The following PLCG2 variants were observed in gnomAD, a reference collection of about 807,000 sequenced individuals.
The protein encoded by PLCG2 is phospholipase C gamma 2, also known as 1-phosphatidylinositol 4,5-bisphosphate phosphodiesterase gamma-2.
In PLCG2, 69 loss-of-function variants were observed where a neutral mutation model predicts 175.6. The ratio of observed to expected loss-of-function variants is 0.39; its 90% CI spans 0.32 to 0.48. The LOEUF (loss-of-function observed/expected upper bound fraction) is 0.48. PLCG2 is among the 20% of genes least tolerant of loss of function. The pLI, the probability that PLCG2 is intolerant of heterozygous loss-of-function variation, is 0.91. For missense variants in PLCG2, 1,798 were observed against 1,650.9 expected (o/e 1.09, Z -1.54); for synonymous variants, 827 against 624.0 (o/e 1.33, Z -4.85).
intron 2 of PLCG2, among the ~76,000 whole-genome samples, chr16:81,849,796 A>C (rs1391322505): frequency 6.9e-6 from 1 of 145,248 alleles, no homozygotes; most frequent in African/African-American, 2.5e-5. Flanking sequence ...AAAAAAAAAA[A>C]ACCAAAAAAA....
intron 2 of PLCG2, among the ~76,000 whole-genome samples, chr16:81,834,100 C>A (rs1409542100): frequency 6.6e-6 from 1 of 152,194 alleles, no homozygotes; most frequent in African/African-American, 2.4e-5. Flanking sequence ...ACAGACTACC[C>A]TGGTGTCTTT....
chr16:81,934,656 C>T (rs1206162799), intron 26 of PLCG2, 125 bp downstream of exon 26: 1 of 683,186 alleles, frequency 1.5e-6, no homozygotes, highest in Non-Finnish European at 2.6e-6. Flanking sequence ...AGTAGATGGC[C>T]CCACCTTGGG....
intron 1 of PLCG2, among the ~76,000 whole-genome samples, chr16:81,743,921 C>T (rs949362570): frequency 1.3e-4 from 20 of 150,774 alleles, no homozygotes; most frequent in Admixed American, 3.3e-4. Flanking sequence ...TGCAGTGGTA[C>T]GATCTTGGCT....
At chr16:81,858,213 C>T (rs375755451) in intron 3 of PLCG2, 50 bp from the exon 4 acceptor site, 29 of 1,282,184 alleles carry the variant, frequency 2.3e-5, no homozygotes, top group East Asian at 6.9e-5. Flanking sequence ...TGTAAGCAGA[C>T]GTCTTCCCAG....
intron 2 of PLCG2, among the ~76,000 whole-genome samples, chr16:81,823,377 A>C (rs902718886): frequency 6.6e-6 from 1 of 152,194 alleles, no homozygotes. Flanking sequence ...CTGTCTGGCC[A>C]GTCCCTGAAA....
chr16:81,743,865 C>G (rs907453448), intron 1 of PLCG2, among the ~76,000 whole-genome samples: 1 of 146,704 alleles, frequency 6.8e-6, no homozygotes, highest in Non-Finnish European at 1.5e-5. Flanking sequence ...TTTTCTTTTT[C>G]TTTTTTTTTT....
chr16:81,817,797 C>G (rs550516313), intron 2 of PLCG2, among the ~76,000 whole-genome samples: 1 of 152,216 alleles, frequency 6.6e-6, no homozygotes, highest in Non-Finnish European at 1.5e-5. Flanking sequence ...GTGATTCTTT[C>G]ACTTAACACA....
rs398119556 is a variant in PLCG2 at position 81,858,432 on chromosome 16, A to AG, written c.431+82dup. ...GCTGCCTTTAGCCAACATGGGCTAC[A>AG]GGGGGGAAAAAAAAAAAAAGGGACA... On this transcript the variant is annotated intron_variant, in intron 4 of 32. Coordinates refer to ENST00000564138, the MANE Select transcript of PLCG2 (RefSeq NM_002661.5). 1,079 of 971,412 alleles carry AG rather than the reference A, an allele frequency of 1.1e-3. 4 individuals carry two copies. The African/African-American group carries it at 0.015, about 14-fold the overall frequency. The allele number at this position is 971,412 out of a possible 1,614,324, so 60.2% of individuals were successfully genotyped here. A position where few individuals can be genotyped will look rare whatever the true frequency, so the allele number is the denominator to read the frequency against.
intron 2 of PLCG2, among the ~76,000 whole-genome samples, chr16:81,837,530 C>T (rs1404202583): frequency 6.6e-6 from 1 of 152,180 alleles, no homozygotes; most frequent in Non-Finnish European, 1.5e-5. Flanking sequence ...GGGATGCTCT[C>T]CGCAGGGACC....
At position 81,900,692 on chromosome 16, in the gene PLCG2, T is replaced by G. The variant is rs1166280990; in HGVS notation, c.1274T>G (p.Phe425Cys). The G allele has an allele frequency of 1.2e-6, 2 of 1,613,452 alleles. No individual in the cohort carries two copies. Among genetic ancestry groups the G allele is most frequent in the East Asian group, 4.5e-5 (2 of 44,868 alleles). ...ATGGCCAAGGCCTTCAAGGAAGTAT[T>G]TGGCGACCTGCTGTTGACGAAGCCC... ...RHMAKAFKEVFGDLLLTKPTE... is the reference protein window; with the variant it reads ...RHMAKAFKEVCGDLLLTKPTE... Residue 425 changes from phenylalanine (F) to cysteine (C), a missense_variant, in exon 14 of 33, where the codon TTT becomes TGT. Coordinates refer to ENST00000564138, the MANE Select transcript of PLCG2 (RefSeq NM_002661.5).
intron 7 of PLCG2, among the ~76,000 whole-genome samples, chr16:81,880,496 G>A (rs374861135): frequency 1.1e-3 from 163 of 152,290 alleles, no homozygotes; most frequent in African/African-American, 3.7e-3. Flanking sequence ...CATGCTTATT[G>A]TGGAATACAA....
intron 24 of PLCG2, among the ~76,000 whole-genome samples, chr16:81,929,166 G>C (rs1702481548): frequency 6.6e-6 from 1 of 152,212 alleles, no homozygotes. Flanking sequence ...TTGTCCAGTG[G>C]TGGCCAGGGT....
At chr16:81,937,651 A>G (rs1910769397) in intron 27 of PLCG2, 107 bp from the exon 28 acceptor site, 3 of 959,394 alleles carry the variant, frequency 3.1e-6, no homozygotes, top group East Asian at 5.0e-5. Context: ...GCTGCCTCAC[A>G]TTAATTTGGG....
At chr16:81,853,214 C>T (rs1296078612) in intron 2 of PLCG2, among the ~76,000 whole-genome samples, 1 of 152,050 alleles carries the variant, frequency 6.6e-6, no homozygotes, top group Non-Finnish European at 1.5e-5. Flanking sequence ...GCCTGTAATC[C>T]CAGCTACTCC....
rs550344305 is a variant in PLCG2, at chr16:81,940,099, C to T, written c.3481+40C>T. The T allele has an allele frequency of 1.8e-4, 276 of 1,541,762 alleles. 4 individuals are homozygous for T. In the South Asian group the frequency reaches 3.0e-3, roughly 17 times the overall value. ...AATTAAGATGTTCGATTTGGGCTGG[C>T]GTTGTACTTTGGTTTGGCTGCTGGC... is the stretch of plus-strand genomic sequence containing the variant. On this transcript the variant is annotated intron_variant, in intron 30 of 32. Transcript: ENST00000564138.
chr16:81,883,515 T>C, intron 9 of PLCG2, 174 bp downstream of exon 9: 1 of 612,634 alleles, frequency 1.6e-6, no homozygotes, highest in Non-Finnish European at 2.9e-6. Context: ...GCCAGAGACT[T>C]CAGATTGCTG....
At chr16:81,882,778 C>T (rs1029310274) in intron 8 of PLCG2, among the ~76,000 whole-genome samples, 1 of 152,098 alleles carries the variant, frequency 6.6e-6, no homozygotes, top group Non-Finnish European at 1.5e-5. Flanking sequence ...TGGCTCACCC[C>T]ACCTCGTTCT....
intron 2 of PLCG2, among the ~76,000 whole-genome samples, chr16:81,796,931 G>T (rs1470569071): frequency 2.6e-5 from 4 of 152,278 alleles, no homozygotes; most frequent in African/African-American, 9.6e-5. Flanking sequence ...CATGTAACAG[G>T]GGCCTGAGGG....
intron 2 of PLCG2, among the ~76,000 whole-genome samples, chr16:81,837,737 T>A (rs1424194050): frequency 6.6e-6 from 1 of 152,190 alleles, no homozygotes. Flanking sequence ...CCATTGGAAT[T>A]TTTGTTGAGA....
Sources: allele counts gnomAD v4.1 joint callset (sites outside exome capture counted in the v4.1 genomes callset), GRCh38; gene constraint gnomAD v4.1.1; transcripts MANE v1.5; gene names NCBI Gene and HGNC (gene_info 2026-07-23, HGNC 2026-07-21).